The following PTCHD1 variants were observed in gnomAD, a reference collection of about 807,000 sequenced individuals.
The protein encoded by PTCHD1 is patched domain-containing protein 1.
Under a neutral mutation model 34.6 loss-of-function variants are expected in PTCHD1, and 3 were observed. The ratio of observed to expected loss-of-function variants is 0.09; its 90% CI spans 0.04 to 0.22. The LOEUF is 0.22. Ranked by LOEUF, PTCHD1 falls within the 10% of genes least tolerant of loss-of-function variation. The probability of loss-of-function intolerance (pLI) is 1.00; values close to 1 mark genes in which losing one functional copy is unlikely to be tolerated. For missense variants in PTCHD1, 504 were observed against 685.5 expected (o/e 0.74, Z 2.96); for synonymous variants, 305 against 283.1 (o/e 1.08, Z -0.77).
chrX:23,364,782 G>C (rs976140288), intron 1 of PTCHD1, among the ~76,000 whole-genome samples: 4 of 112,607 alleles, frequency 3.6e-5, no homozygotes, highest in Admixed American at 2.8e-4. Context: ...TCCAGCATTT[G>C]CTGTCAACAG....
chrX:23,359,203 A>T (rs1601907578), intron 1 of PTCHD1, among the ~76,000 whole-genome samples: 1 of 112,433 alleles, frequency 8.9e-6, no homozygotes, highest in East Asian at 2.8e-4. Context: ...TGGTAGCTTG[A>T]TGGGGATGGC....
At chrX:23,334,657 A>C, upstream of PTCHD1, 1 of 107,582 alleles carries the variant, frequency 9.3e-6, no homozygotes, top group Non-Finnish European at 1.9e-5. Context: ...GGCCGCGGGC[A>C]GGAGGGCGTG....
chrX:23,353,072 G>A (rs754023688), intron 1 of PTCHD1, among the ~76,000 whole-genome samples: 21 of 111,981 alleles, frequency 1.9e-4, no homozygotes, highest in African/African-American at 4.2e-4. Flanking sequence ...TGTATTAAGC[G>A]CATGTGATAA....
chrX:23,372,967 A>G (rs1922317112), intron 1 of PTCHD1, among the ~76,000 whole-genome samples: 1 of 112,207 alleles, frequency 8.9e-6, no homozygotes, highest in Admixed American at 9.4e-5. Context: ...TTTTTTCACA[A>G]ATCAAGACCA....
chrX:23,347,479 G>T (rs1921507579), intron 1 of PTCHD1, among the ~76,000 whole-genome samples: 1 of 111,987 alleles, frequency 8.9e-6, no homozygotes, highest in African/African-American at 3.2e-5. Flanking sequence ...AAAGCTTCTG[G>T]TACCTATAGC....
At position 23,393,611 on chromosome X, in the gene PTCHD1, C is replaced by A; in HGVS notation, c.2093C>A (p.Ala698Asp). 8.3e-7 allele frequency: 1 copy of A among 1,210,956 alleles called. No individual in the cohort carries two copies. Among genetic ancestry groups the A allele is most frequent in the Non-Finnish European group, 1.1e-6 (1 of 894,945 alleles). The change falls in exon 3 of 3, where the codon GCC (alanine) becomes GAC (aspartate). Residue 698 changes from alanine to aspartate, a missense_variant. Physicochemically the swap from Ala to Asp is moderately radical, Grantham distance 126 (BLOSUM62 -2). Coordinates refer to ENST00000379361, the MANE Select transcript of PTCHD1 (RefSeq NM_173495.3). ...GATCGATATGCCTCCTCTCTGGGAG[C>A]CCCCCTGCACAACTCCTGCATCAGT... Reference protein sequence around the residue: ...YMDRYASSLGAPLHNSCISAL... With the variant: ...YMDRYASSLGDPLHNSCISAL...
At chrX:23,359,269 C>T (rs1378579225) in intron 1 of PTCHD1, among the ~76,000 whole-genome samples, 1 of 112,351 alleles carries the variant, frequency 8.9e-6, no homozygotes, top group Non-Finnish European at 1.9e-5. Context: ...ATTGATTCTT[C>T]CTATCCATGA....
At chrX:23,343,341 T>C (rs1921391405) in intron 1 of PTCHD1, among the ~76,000 whole-genome samples, 1 of 112,082 alleles carries the variant, frequency 8.9e-6, no homozygotes, top group African/African-American at 3.2e-5. Context: ...TGGGAGGGTA[T>C]GAACTTGACC....
At chrX:23,345,401 T>C (rs1601902828) in intron 1 of PTCHD1, among the ~76,000 whole-genome samples, 1 of 112,271 alleles carries the variant, frequency 8.9e-6, no homozygotes, top group Non-Finnish European at 1.9e-5. Flanking sequence ...CCCAGGGATA[T>C]TGATGCTACT....
chrX:23,335,240 G>T lies in PTCHD1; in HGVS notation c.351+14G>T, dbSNP rs1921134648. On this transcript the variant is annotated intron_variant, in intron 1 of 2. Coordinates refer to ENST00000379361, the MANE Select transcript of PTCHD1 (RefSeq NM_173495.3). ...CTGATCTTAAAGGTGAGAGGGGACG[G>T]GTGCGGGCAGACTCCGCCAGCGCCG... The T allele has an allele frequency of 4.2e-6, 5 of 1,176,554 alleles. No individual in the cohort carries two copies. Among genetic ancestry groups the T allele is most frequent in the Non-Finnish European group, 5.8e-6 (5 of 864,738 alleles).
At position 23,403,206 on chromosome X, in the gene PTCHD1, T is replaced by C. The variant is rs1751469887; in HGVS notation, c.*9021T>C. ...CCACTAATTCAGTATTCAGAAACCT[T>C]ATCATCTGTTCCTCCAAAAAGACCC... On this transcript the variant is annotated 3_prime_UTR_variant, in exon 3 of 3. Transcript: ENST00000379361. 8.9e-6 allele frequency: 1 copy of C among 112,132 alleles called. No individual in the cohort carries two copies. The allele number at this position is 112,132 out of a possible 1,213,427, so 9.2% of individuals were successfully genotyped here.
Position 23,398,673 on chromosome X carries a change from ACTAAGAATGGCTG to A in PTCHD1, c.*4490_*4502del, listed in dbSNP as rs1215167225. 1.8e-5 allele frequency: 2 copies of A among 112,108 alleles called. No homozygotes were observed. Among genetic ancestry groups the A allele is most frequent in the South Asian group, 7.6e-4 (2 of 2,649 alleles). The allele number at this position is 112,108 out of a possible 1,213,427, so 9.2% of individuals were successfully genotyped here. A position where few individuals can be genotyped will look rare whatever the true frequency, so the allele number is the denominator to read the frequency against. On this transcript the variant is annotated 3_prime_UTR_variant, in exon 3 of 3. Transcript: ENST00000379361. Reference sequence around the variant, plus strand: ...AAGTTAGTGGATTCGCTGGCAAAGAACTAAGAATGGCTGCAGCCAACACACTGCAGAGTTCCTC... The same window carrying A: ...AAGTTAGTGGATTCGCTGGCAAAGAACAGCCAACACACTGCAGAGTTCCTC...
chrX:23,381,546 A>G (rs181723764), intron 2 of PTCHD1, among the ~76,000 whole-genome samples: 1 of 112,304 alleles, frequency 8.9e-6, no homozygotes, highest in East Asian at 2.8e-4. Context: ...GAATTTCCTC[A>G]GGAAATCTCC....
At chrX:23,388,840 A>T (rs1470915401) in intron 2 of PTCHD1, among the ~76,000 whole-genome samples, 2 of 111,328 alleles carry the variant, frequency 1.8e-5, no homozygotes, top group Non-Finnish European at 3.8e-5. Flanking sequence ...CGAAAAAAAA[A>T]AAAAGCAATG....
Position 23,379,733 on chromosome X carries a change from C to T in PTCHD1, c.494C>T (p.Ala165Val), listed in dbSNP as rs761031072. 1.7e-5 allele frequency: 20 copies of T among 1,208,933 alleles called. No individual in the cohort carries two copies. Among genetic ancestry groups the T allele is most frequent in the Non-Finnish European group, 2.2e-5 (20 of 895,047 alleles). ...HVLEELKNAR[A>V]TNRTNFAITY... ...CTGGAAGAGCTAAAGAATGCTCGGGCCACCAATCGGACCAATTTTGCTATC... is the reference window on the plus strand; with the variant it reads ...CTGGAAGAGCTAAAGAATGCTCGGGTCACCAATCGGACCAATTTTGCTATC... The change falls in exon 2 of 3, where the codon GCC (alanine) becomes GTC (valine). Residue 165 changes from alanine (A) to valine (V), a missense_variant. By Grantham distance (64) the Ala-to-Val change is moderately conservative. Coordinates refer to ENST00000379361, the MANE Select transcript of PTCHD1 (RefSeq NM_173495.3).
At chrX:23,337,650 G>C (rs1410603053) in intron 1 of PTCHD1, among the ~76,000 whole-genome samples, 1 of 111,262 alleles carries the variant, frequency 9.0e-6, no homozygotes, top group Non-Finnish European at 1.9e-5. Flanking sequence ...ATCAAGGATA[G>C]CATTGACAGT....
chrX:23,335,401 C>T (rs906205403), intron 1 of PTCHD1, among the ~76,000 whole-genome samples, 175 bp downstream of exon 1: 1 of 113,157 alleles, frequency 8.8e-6, no homozygotes, highest in African/African-American at 3.2e-5. Flanking sequence ...GCCTCCTGGA[C>T]AAGGAGCGTC....
chrX:23,378,986 G>A (rs1451809421), intron 1 of PTCHD1, among the ~76,000 whole-genome samples: 1 of 111,879 alleles, frequency 8.9e-6, no homozygotes, highest in Non-Finnish European at 1.9e-5. Flanking sequence ...GAGACAACAA[G>A]GACCCTCAAG....
At chrX:23,353,972 G>C (rs982733496) in intron 1 of PTCHD1, among the ~76,000 whole-genome samples, 1 of 111,682 alleles carries the variant, frequency 9.0e-6, no homozygotes, top group Admixed American at 9.5e-5. Flanking sequence ...AATCTTGACT[G>C]TGTGTTATAG....
Sources: gnomAD v4.1 joint callset for allele counts (sites outside exome capture counted in the v4.1 genomes callset) on GRCh38, gnomAD v4.1.1 for gene constraint, MANE v1.5 for transcripts, NCBI Gene and HGNC (gene_info 2026-07-23, HGNC 2026-07-21) for gene names.